The following CNTN4 variants were observed in gnomAD, a reference collection of about 807,000 sequenced individuals.
CNTN4 encodes the protein contactin 4.
A neutral mutation model predicts 122.5 loss-of-function variants in CNTN4; 77 were observed. The observed-to-expected ratio is 0.63, with a 90% CI of 0.52 to 0.76. CNTN4 has a LOEUF of 0.76. Among genes scored for constraint, CNTN4 ranks in the 30% least tolerant of loss-of-function variants. CNTN4 has a pLI of 0.00. For missense variants in CNTN4, 1,256 were observed against 1,259.1 expected (o/e 1.00, Z 0.04); for synonymous variants, 512 against 447.0 (o/e 1.15, Z -1.83).
chr3:2,108,137 C>T (rs549350919), intron 2 of CNTN4, among the ~76,000 whole-genome samples: 4 of 151,864 alleles, frequency 2.6e-5, no homozygotes, highest in Admixed American at 2.6e-4. Context: ...ATCTAATCAC[C>T]CATCCTGGAA....
At chr3:2,253,368 A>T (rs2040448425) in intron 2 of CNTN4, among the ~76,000 whole-genome samples, 1 of 152,122 alleles carries the variant, frequency 6.6e-6, no homozygotes, top group Admixed American at 6.6e-5. Flanking sequence ...AGTTGATGGT[A>T]TGGTATTTAT....
At chr3:2,388,038 A>T (rs1443367003) in intron 3 of CNTN4, among the ~76,000 whole-genome samples, 1 of 152,198 alleles carries the variant, frequency 6.6e-6, no homozygotes, top group Non-Finnish European at 1.5e-5. Context: ...TTTAAGTGGA[A>T]GGCTTTTATT....
intron 23 of CNTN4, among the ~76,000 whole-genome samples, chr3:3,051,744 T>C (rs1184869936): frequency 2.6e-5 from 4 of 152,208 alleles, no homozygotes; most frequent in African/African-American, 4.8e-5. Flanking sequence ...GAGATATAAA[T>C]TAAGGTGATG....
intron 3 of CNTN4, among the ~76,000 whole-genome samples, chr3:2,493,269 G>A (rs1317402984): frequency 6.6e-6 from 1 of 151,884 alleles, no homozygotes; most frequent in Non-Finnish European, 1.5e-5. Context: ...GACTCAATGG[G>A]ACTACCCTAA....
chr3:2,672,399 A>T (rs139470333), intron 4 of CNTN4, among the ~76,000 whole-genome samples: 1 of 152,316 alleles, frequency 6.6e-6, no homozygotes, highest in East Asian at 1.9e-4. Context: ...CCATGGATGT[A>T]GGACCCTCCG....
intron 4 of CNTN4, among the ~76,000 whole-genome samples, chr3:2,572,250 G>A (rs1020452124): frequency 1.3e-5 from 2 of 152,154 alleles, no homozygotes; most frequent in African/African-American, 4.8e-5. Context: ...GCCGGGTGCA[G>A]TGGTGCATGC....
At chr3:2,509,281 A>G (rs914779420) in intron 3 of CNTN4, among the ~76,000 whole-genome samples, 1 of 152,184 alleles carries the variant, frequency 6.6e-6, no homozygotes, top group Non-Finnish European at 1.5e-5. Flanking sequence ...TAAAGTCTCA[A>G]TAATAATGAG....
chr3:2,749,198 C>T (rs879269676), intron 6 of CNTN4, among the ~76,000 whole-genome samples: 1 of 152,120 alleles, frequency 6.6e-6, no homozygotes, highest in African/African-American at 2.4e-5. Flanking sequence ...GAGTCTTGCT[C>T]CGTCGCCCTA....
intron 3 of CNTN4, among the ~76,000 whole-genome samples, chr3:2,416,987 T>C (rs928570727): frequency 1.3e-5 from 2 of 152,164 alleles, no homozygotes; most frequent in African/African-American, 4.8e-5. Context: ...TAAGAGTTAC[T>C]TTGTTTAGCA....
At chr3:2,231,324 G>C (rs1356615450) in intron 2 of CNTN4, among the ~76,000 whole-genome samples, 1 of 152,186 alleles carries the variant, frequency 6.6e-6, no homozygotes, top group Non-Finnish European at 1.5e-5. Flanking sequence ...CTTAGGCATG[G>C]AGATGCTCAG....
chr3:2,969,149 T>G (rs1692626960), intron 13 of CNTN4, among the ~76,000 whole-genome samples: 1 of 152,208 alleles, frequency 6.6e-6, no homozygotes, highest in Non-Finnish European at 1.5e-5. Flanking sequence ...GTTTGCTGTA[T>G]GTGCTAAGGG....
At chr3:2,481,103 TTCTC>T (rs759856065) in intron 3 of CNTN4, among the ~76,000 whole-genome samples, 1 of 139,714 alleles carries the variant, frequency 7.2e-6, no homozygotes, top group Admixed American at 7.1e-5. Context: ...CTTTCTTTCT[TTCTC>T]TCTTTCTCTC....
chr3:2,308,719 T>G (rs1003356385), intron 2 of CNTN4, among the ~76,000 whole-genome samples: 5 of 152,106 alleles, frequency 3.3e-5, no homozygotes, highest in Non-Finnish European at 7.4e-5. Flanking sequence ...TAGTTTTGAT[T>G]GCTAATTTAA....
intron 2 of CNTN4, among the ~76,000 whole-genome samples, chr3:2,261,599 C>G (rs888793887): frequency 1.3e-5 from 2 of 152,164 alleles, no homozygotes; most frequent in African/African-American, 2.4e-5. Context: ...ATAGAAGCTT[C>G]TGCATCAACC....
chr3:2,285,499 A>G (rs9860727), intron 2 of CNTN4, among the ~76,000 whole-genome samples: 2 of 151,924 alleles, frequency 1.3e-5, no homozygotes, highest in Admixed American at 6.6e-5. Flanking sequence ...CTCCCTGCAC[A>G]TTTTTTACTT....
At chr3:2,642,205 G>A (rs1398552136) in intron 4 of CNTN4, among the ~76,000 whole-genome samples, 2 of 152,298 alleles carry the variant, frequency 1.3e-5, no homozygotes, top group South Asian at 2.1e-4. Flanking sequence ...AGAACTTGCA[G>A]TACAATGTTT....
At chr3:2,327,572 C>G (rs1176909741) in intron 2 of CNTN4, among the ~76,000 whole-genome samples, 1 of 152,044 alleles carries the variant, frequency 6.6e-6, no homozygotes, top group Non-Finnish European at 1.5e-5. Flanking sequence ...TATTTCCTTT[C>G]AAAAATGTGT....
chr3:2,302,262 C>A (rs550179351), intron 2 of CNTN4, among the ~76,000 whole-genome samples: 3 of 152,232 alleles, frequency 2.0e-5, no homozygotes, highest in African/African-American at 7.2e-5. Flanking sequence ...AACCATGTCT[C>A]CACTAAAAAT....
At chr3:2,981,310 G>A (rs1252555308) in intron 13 of CNTN4, among the ~76,000 whole-genome samples, 5 of 151,794 alleles carry the variant, frequency 3.3e-5, no homozygotes, top group East Asian at 1.9e-4. Context: ...CGGGCGTGGT[G>A]GCGGGCGCCT....
Sources: allele counts gnomAD v4.1 joint callset (sites outside exome capture counted in the v4.1 genomes callset), GRCh38; gene constraint gnomAD v4.1.1; transcripts MANE v1.5; gene names NCBI Gene and HGNC (gene_info 2026-07-23, HGNC 2026-07-21).